Variants in EIPR1 observed in about 807,000 individuals in gnomAD.
EIPR1 encodes EARP complex and GARP complex interacting protein 1.
EIPR1 carries 25 observed loss-of-function variants against 48.1 expected under a neutral mutation model. The observed-to-expected ratio is 0.52, with a 90% CI of 0.38 to 0.73. The LOEUF (loss-of-function observed/expected upper bound fraction) is 0.73, where lower values mean the gene tolerates loss of function less well. Among genes scored for constraint, EIPR1 ranks in the 30% least tolerant of loss-of-function variants. The pLI, the probability that EIPR1 is intolerant of heterozygous loss-of-function variation, is 0.00. For synonymous variants in EIPR1, 204 were observed against 201.9 expected (o/e 1.01, Z -0.09); for missense variants, 415 against 506.2 (o/e 0.82, Z 1.73).
rs1022242772 is a variant in EIPR1 at position 3,285,969 on chromosome 2, G to A, written c.260-28514C>T. Among the ~76,000 whole-genome samples the A allele has an allele frequency of 3.9e-5, 6 of 152,242 alleles. No individual in the cohort carries two copies. In the East Asian group the frequency reaches 5.8e-4, roughly 15 times the overall value. On this transcript the variant is annotated intron_variant, in intron 3 of 8. Coordinates refer to ENST00000382125, the MANE Select transcript of EIPR1 (RefSeq NM_003310.5). ...CGGAGCAGAAGTCACCGATGTCTCC[G>A]GGACCCTCACTTTGGAAGCAGTGCC... is the stretch of plus-strand genomic sequence containing the variant.
At chr2:3,225,537 C>A (rs1019855682) in intron 4 of EIPR1, among the ~76,000 whole-genome samples, 3 of 152,204 alleles carry the variant, frequency 2.0e-5, no homozygotes, top group African/African-American at 2.4e-5. Context: ...TGCGCCACCA[C>A]GCCTGGCCGC....
At chr2:3,196,537 G>T (rs181575776) in intron 6 of EIPR1, among the ~76,000 whole-genome samples, 14 of 152,326 alleles carry the variant, frequency 9.2e-5, no homozygotes, top group African/African-American at 3.4e-4. Context: ...GCAGCTGTCA[G>T]CCTGCAGCGG....
rs534181359 is a variant in EIPR1, at chr2:3,354,894, C to T, written c.43-261G>A. On this transcript the variant is annotated intron_variant, in intron 1 of 8. Coordinates refer to ENST00000382125, the MANE Select transcript of EIPR1 (RefSeq NM_003310.5). Reference sequence around the variant, plus strand: ...AAGTAATAAAGATGTAAATTATCTACACATCAATGTTTAAATTAATTTTTA... The same window carrying T: ...AAGTAATAAAGATGTAAATTATCTATACATCAATGTTTAAATTAATTTTTA... Among the ~76,000 whole-genome samples, 6 of 152,306 alleles carry T rather than the reference C, an allele frequency of 3.9e-5. No homozygotes were observed. In the South Asian group the frequency reaches 1.2e-3, roughly 32 times the overall value.
At chr2:3,213,463 T>C (rs868561388) in intron 5 of EIPR1, among the ~76,000 whole-genome samples, 1 of 152,222 alleles carries the variant, frequency 6.6e-6, no homozygotes, top group Non-Finnish European at 1.5e-5. Context: ...TCATAACTCA[T>C]GCAAATACAT....
chr2:3,219,895 C>A (rs1572316059), intron 4 of EIPR1, among the ~76,000 whole-genome samples: 1 of 152,206 alleles, frequency 6.6e-6, no homozygotes, highest in Non-Finnish European at 1.5e-5. Flanking sequence ...AGACTGTGGA[C>A]TGGTACCAAT....
intron 4 of EIPR1, among the ~76,000 whole-genome samples, chr2:3,251,201 C>A (rs1175258923): frequency 6.6e-6 from 1 of 152,216 alleles, no homozygotes; most frequent in Admixed American, 6.5e-5. Flanking sequence ...TTTCCAAAGT[C>A]CTTTTCAGCG....
intron 8 of EIPR1, among the ~76,000 whole-genome samples, chr2:3,190,046 G>C (rs1266930622): frequency 6.6e-6 from 1 of 152,084 alleles, no homozygotes; most frequent in South Asian, 2.1e-4. Context: ...AGGACACCAA[G>C]AGGAAGACGC....
In EIPR1 at chr2:3,201,291, T is replaced by C. The variant is rs544622798; in HGVS notation, c.517-4274A>G. ...CACCCCAAATTCCTGGAGAAGGAGG[T>C]AGACTGGCACAGCCGGGCCAGGCAC... On this transcript the variant is annotated intron_variant, in intron 5 of 8. Transcript: ENST00000382125. Among the ~76,000 whole-genome samples, 4 of 151,798 alleles carry C rather than the reference T, an allele frequency of 2.6e-5. 1 individual carries two copies. The South Asian group carries it at 8.3e-4, about 32-fold the overall frequency.
At chr2:3,229,827 A>G (rs1176910385) in intron 4 of EIPR1, among the ~76,000 whole-genome samples, 1 of 152,184 alleles carries the variant, frequency 6.6e-6, no homozygotes, top group Non-Finnish European at 1.5e-5. Flanking sequence ...CAGCTCATGT[A>G]TGGTGGTCAT....
At chr2:3,196,836 G>A (rs1664825335) in intron 6 of EIPR1, 45 bp downstream of exon 6, 1 of 1,605,852 alleles carries the variant, frequency 6.2e-7, no homozygotes, top group African/African-American at 1.3e-5. Flanking sequence ...TCTGCTCGGT[G>A]AGGGAGGAAA....
intron 3 of EIPR1, among the ~76,000 whole-genome samples, chr2:3,272,625 G>C (rs759898998): frequency 3.3e-5 from 5 of 152,152 alleles, no homozygotes; most frequent in Non-Finnish European, 5.9e-5. Context: ...ATGGTTCGTG[G>C]AGCCCCAAAA....
At chr2:3,245,822 G>A (rs1227662518) in intron 4 of EIPR1, among the ~76,000 whole-genome samples, 1 of 152,236 alleles carries the variant, frequency 6.6e-6, no homozygotes, top group Non-Finnish European at 1.5e-5. Context: ...TGTTTGGGAG[G>A]CCGAAGTGGG....
intron 4 of EIPR1, among the ~76,000 whole-genome samples, chr2:3,236,502 A>G (rs1265082985): frequency 6.6e-6 from 1 of 152,128 alleles, no homozygotes; most frequent in East Asian, 1.9e-4. Flanking sequence ...TGAAAACCAC[A>G]CCTGAGAAAG....
intron 4 of EIPR1, among the ~76,000 whole-genome samples, chr2:3,236,328 G>A (rs1196891389): frequency 6.6e-6 from 1 of 152,172 alleles, no homozygotes; most frequent in Non-Finnish European, 1.5e-5. Context: ...GGCATCTCTG[G>A]CAAGTCAGGA....
rs139504661 is a variant in EIPR1, at chr2:3,295,414, T to G, written c.260-37959A>C. Among the ~76,000 whole-genome samples the G allele has an allele frequency of 1.0e-3, 111 of 107,590 alleles. 3 individuals are homozygous for G. The East Asian group carries it at 0.032, about 31-fold the overall frequency. The allele number at this position is 107,590 out of a possible 152,430, so 70.6% of individuals were successfully genotyped here. ...ATCCTCTCTACACACACACCCTCCA[T>G]CCAGCCCATCCTCTCTGCACACACA... On this transcript the variant is annotated intron_variant, in intron 3 of 8. Transcript: ENST00000382125.
intron 3 of EIPR1, among the ~76,000 whole-genome samples, chr2:3,270,173 CA>C (rs1667661940): frequency 6.6e-6 from 1 of 152,354 alleles, no homozygotes; most frequent in African/African-American, 2.4e-5. Context: ...AAGCACAAAG[CA>C]GGGGTGAAAC....
At chr2:3,344,021 A>G (rs1013799218) in intron 2 of EIPR1, among the ~76,000 whole-genome samples, 1 of 152,246 alleles carries the variant, frequency 6.6e-6, no homozygotes, top group Non-Finnish European at 1.5e-5. Context: ...CCTGGGCAAC[A>G]TGGCAAGATC....
chr2:3,236,001 C>T (rs1263204014), intron 4 of EIPR1, among the ~76,000 whole-genome samples: 2 of 152,034 alleles, frequency 1.3e-5, no homozygotes, highest in African/African-American at 2.4e-5. Context: ...CTAGTAATCA[C>T]GGTAAGAGCA....
intron 4 of EIPR1, among the ~76,000 whole-genome samples, chr2:3,240,975 G>A (rs908373112): frequency 8.0e-6 from 1 of 124,662 alleles, no homozygotes; most frequent in African/African-American, 2.8e-5. Context: ...CTAAAGCAAA[G>A]CCAGCAGATC....
Sources: allele counts gnomAD v4.1 joint callset (sites outside exome capture counted in the v4.1 genomes callset), GRCh38; gene constraint gnomAD v4.1.1; transcripts MANE v1.5; gene names NCBI Gene and HGNC (gene_info 2026-07-23, HGNC 2026-07-21).